PARD3B: variants seen among roughly 807,000 people sequenced by gnomAD.
The protein encoded by PARD3B is par-3 family cell polarity regulator beta.
PARD3B carries 103 observed loss-of-function variants against 130.2 expected under a neutral mutation model. The observed-to-expected ratio is 0.79, with a 90% confidence interval of 0.67 to 0.93. The LOEUF is 0.93. Among genes scored for constraint, PARD3B ranks in the 40% least tolerant of loss-of-function variants. PARD3B has a pLI of 0.00. For synonymous variants in PARD3B, 583 were observed against 553.2 expected, an observed-to-expected ratio of 1.05 and a Z score of -0.76; for missense variants, 1,609 against 1,499.2, an observed-to-expected ratio of 1.07 and a Z score of -1.21.
Position 205,411,729 on chromosome 2 carries a change from A to G in PARD3B, c.2741+10606A>G, listed in dbSNP as rs376302606. ...CGGAGACTTTGCCCAGCTGGGAGTC[A>G]TGCCAGATACTTCCATTCAAGAAGC... is the stretch of plus-strand genomic sequence containing the variant. On this transcript the variant is annotated intron_variant, in intron 19 of 22. Transcript: ENST00000406610. 3.3e-5 allele frequency among the ~76,000 whole-genome samples: 5 copies of G among 152,280 alleles called. No homozygotes were observed. The South Asian group carries it at 1.0e-3, about 32-fold the overall frequency.
intron 2 of PARD3B, among the ~76,000 whole-genome samples, chr2:204,691,174 T>C (rs990365682): frequency 6.6e-6 from 1 of 152,110 alleles, no homozygotes; most frequent in Non-Finnish European, 1.5e-5. Flanking sequence ...TATTAAGCTT[T>C]TTAAAATGAT....
intron 2 of PARD3B, among the ~76,000 whole-genome samples, chr2:204,923,053 C>G (rs1328416608): frequency 1.3e-5 from 2 of 152,084 alleles, no homozygotes; most frequent in Non-Finnish European, 2.9e-5. Flanking sequence ...TTAGCTACCT[C>G]TGACTGCTTT....
rs187622099 is a variant in PARD3B, at chr2:204,638,740, G to A, written c.121-47441G>A. The stretch of plus-strand genomic sequence containing the variant: ...ATTAATTGTACCTCATGTTTAGCAT[G>A]TATTGTTTTAAATGCTTTATCATAG... On this transcript the variant is annotated intron_variant, in intron 1 of 22. Coordinates refer to ENST00000406610, the MANE Select transcript of PARD3B (RefSeq NM_001302769.2). Among the ~76,000 whole-genome samples the A allele has an allele frequency of 2.1e-3, 315 of 152,288 alleles. 1 individual carries two copies. Among genetic ancestry groups the A allele is most frequent in the African/African-American group, 7.2e-3 (300 of 41,566 alleles).
At chr2:204,634,385 C>T (rs2034798416) in intron 1 of PARD3B, among the ~76,000 whole-genome samples, 1 of 152,120 alleles carries the variant, frequency 6.6e-6, no homozygotes, top group African/African-American at 2.4e-5. Context: ...TTTATCCATT[C>T]ATCTGTTTAT....
At chr2:205,000,831 T>TA (rs1281797763) in intron 3 of PARD3B, among the ~76,000 whole-genome samples, 1 of 152,186 alleles carries the variant, frequency 6.6e-6, no homozygotes, top group Non-Finnish European at 1.5e-5. Flanking sequence ...CTGTGCAAGG[T>TA]ACTGTCACTA....
rs1253818984 is a variant in PARD3B at position 205,309,121 on chromosome 2, A to G, written c.2630+7420A>G. Among the ~76,000 whole-genome samples the G allele has an allele frequency of 6.6e-6, 1 of 152,238 alleles. No individual in the cohort carries two copies. Among genetic ancestry groups the G allele is most frequent in the African/African-American group, 2.4e-5 (1 of 41,470 alleles). On this transcript the variant is annotated intron_variant, in intron 18 of 22. Coordinates refer to ENST00000406610, the MANE Select transcript of PARD3B (RefSeq NM_001302769.2). This position sits in a 1 kb window ranked among gnomAD's most constrained non-coding sequence, Gnocchi z 4.7. ...GGAAGGTTATTTTTAAACCAACTCC[A>G]CATAGAGCTATAACAAAAAACTAAC...
At chr2:204,795,152 G>C (rs55845025) in intron 2 of PARD3B, among the ~76,000 whole-genome samples, 1 of 152,104 alleles carries the variant, frequency 6.6e-6, no homozygotes, top group Non-Finnish European at 1.5e-5. Context: ...TTAAGCTTAG[G>C]TTAGGAAAAT....
In PARD3B at chr2:204,887,677, C is replaced by T. The variant is rs1305645530; in HGVS notation, c.223-77475C>T. On this transcript the variant is annotated intron_variant, in intron 2 of 22. Transcript: ENST00000406610. This position sits in a 1 kb window ranked among gnomAD's most constrained non-coding sequence, Gnocchi z 4.2. ...CACTATTCTATATGCAGCGCCATTT[C>T]ATACCCTTTGGGTATTTTAGCAATT... Among the ~76,000 whole-genome samples, 2 of 152,134 alleles carry T rather than the reference C, an allele frequency of 1.3e-5. No homozygotes were observed. The highest frequency in any genetic ancestry group is 2.9e-5 in the Non-Finnish European group (2 of 68,040).
intron 1 of PARD3B, among the ~76,000 whole-genome samples, chr2:204,670,028 A>G (rs1289862212): frequency 6.6e-6 from 1 of 152,176 alleles, no homozygotes; most frequent in African/African-American, 2.4e-5. Flanking sequence ...AACGGTTGGG[A>G]CAGTCAGAAA....
chr2:204,838,349 A>ATGTGTGTGTGTGTGTGTGTGTGTGTGTG (rs55688873), intron 2 of PARD3B, among the ~76,000 whole-genome samples: 2 of 135,338 alleles, frequency 1.5e-5, no homozygotes, highest in African/African-American at 5.4e-5. Context: ...TACCTGGCTA[A>ATGTGTGTGTGTGTGTGTGTGTGTGTGTG]TGTGTGTGTG....
At chr2:205,081,997 T>C (rs929441989) in intron 4 of PARD3B, among the ~76,000 whole-genome samples, 3 of 152,166 alleles carry the variant, frequency 2.0e-5, no homozygotes, top group Non-Finnish European at 4.4e-5. Context: ...AATCTCGGCC[T>C]GGAGTTATCT....
At chr2:205,518,818 T>G (rs1454996617) in intron 21 of PARD3B, among the ~76,000 whole-genome samples, 1 of 152,204 alleles carries the variant, frequency 6.6e-6, no homozygotes, top group African/African-American at 2.4e-5. Context: ...AAAAGGATCT[T>G]ATTTCTCCTT....
Position 204,965,198 on chromosome 2 carries a change from G to T in PARD3B, c.269G>T (p.Ser90Ile), listed in dbSNP as rs1371573207. ...CAAGAACCACTCCACAAGATTGAGAGCCCCAGTGGAAACCCTGCAGATCGG... is the reference window on the plus strand; with the variant it reads ...CAAGAACCACTCCACAAGATTGAGATCCCCAGTGGAAACCCTGCAGATCGG... ...EEQEPLHKIE[S>I]PSGNPADRQS... Residue 90 changes from serine (S) to isoleucine (I), a missense_variant, in exon 3 of 23, where the codon AGC becomes ATC. Transcript: ENST00000406610. 1 of 1,613,908 alleles carries T rather than the reference G, an allele frequency of 6.2e-7. No individual in the cohort carries two copies. Among genetic ancestry groups the T allele is most frequent in the Non-Finnish European group, 8.5e-7 (1 of 1,179,896 alleles).
rs576816418 is a variant in PARD3B, at chr2:205,551,225, C to A, written c.3181-2099C>A. Among the ~76,000 whole-genome samples the A allele has an allele frequency of 5.3e-5, 8 of 151,888 alleles. No individual in the cohort carries two copies. In the East Asian group the frequency reaches 9.7e-4, roughly 18 times the overall value. Reference sequence around the variant, plus strand: ...ATTTTCCAACAATCACAATTAATAACCTTCAGCATAGTATTGATATTTGCA... The same window carrying A: ...ATTTTCCAACAATCACAATTAATAAACTTCAGCATAGTATTGATATTTGCA... On this transcript the variant is annotated intron_variant, in intron 21 of 22. Coordinates refer to ENST00000406610, the MANE Select transcript of PARD3B (RefSeq NM_001302769.2).
At chr2:204,788,336 T>C (rs2042082529) in intron 2 of PARD3B, among the ~76,000 whole-genome samples, 1 of 152,208 alleles carries the variant, frequency 6.6e-6, no homozygotes, top group African/African-American at 2.4e-5. Context: ...TGTTATCTCA[T>C]AGGGATTGTC....
intron 2 of PARD3B, among the ~76,000 whole-genome samples, chr2:204,791,322 A>G (rs1272471923): frequency 6.6e-6 from 1 of 152,194 alleles, no homozygotes; most frequent in African/African-American, 2.4e-5. Flanking sequence ...GTTTCATAAT[A>G]TCACTTTATG....
chr2:204,817,425 C>T (rs569984558), intron 2 of PARD3B, among the ~76,000 whole-genome samples: 1 of 152,222 alleles, frequency 6.6e-6, no homozygotes, highest in East Asian at 1.9e-4. Context: ...GAGCAATGAT[C>T]AGTCTACATG....
chr2:205,087,707 T>C (rs1701824590), intron 4 of PARD3B, among the ~76,000 whole-genome samples: 2 of 152,182 alleles, frequency 1.3e-5, no homozygotes, highest in South Asian at 2.1e-4. Flanking sequence ...GTGGTTTGAA[T>C]TGGGCAATCA....
At chr2:205,524,318 T>G (rs1032510578) in intron 21 of PARD3B, among the ~76,000 whole-genome samples, 12 of 152,148 alleles carry the variant, frequency 7.9e-5, no homozygotes, top group African/African-American at 2.4e-4. Flanking sequence ...CATCTGAAGA[T>G]TTGTAGAAGA....
Sources: allele counts gnomAD v4.1 joint callset (sites outside exome capture counted in the v4.1 genomes callset), GRCh38; gene constraint gnomAD v4.1.1; non-coding constraint Gnocchi (gnomAD v3.1); transcripts MANE v1.5; gene names NCBI Gene and HGNC (gene_info 2026-07-23, HGNC 2026-07-21).